ADGRB3: variants seen among roughly 807,000 people sequenced by gnomAD.
The protein encoded by ADGRB3 is brain-specific angiogenesis inhibitor 3.
ADGRB3 carries 37 observed loss-of-function variants against 193.4 expected under a neutral mutation model. The ratio of observed to expected loss-of-function variants is 0.19; its 90% CI spans 0.15 to 0.25. The LOEUF is 0.25. Among genes scored for constraint, ADGRB3 ranks in the 10% least tolerant of loss-of-function variants. The probability of loss-of-function intolerance (pLI) is 1.00; values close to 1 mark genes in which losing one functional copy is unlikely to be tolerated. For missense variants in ADGRB3, 1,637 were observed against 1,852.9 expected (o/e 0.88, Z 2.14); for synonymous variants, 690 against 644.2 (o/e 1.07, Z -1.08).
chr6:69,122,993 C>CGTGTGTGTGTGTGTGTGT (rs150375798), intron 17 of ADGRB3, among the ~76,000 whole-genome samples: 6 of 148,620 alleles, frequency 4.0e-5, no homozygotes, highest in Non-Finnish European at 7.4e-5. Flanking sequence ...TATACACATA[C>CGTGTGTGTGTGTGTGTGT]GTGTGAGTGT....
intron 3 of ADGRB3, among the ~76,000 whole-genome samples, chr6:68,801,727 A>G (rs1286665910): frequency 6.6e-6 from 1 of 152,092 alleles, no homozygotes; most frequent in Admixed American, 6.6e-5. Flanking sequence ...AATAAATAAT[A>G]AATCCTATAT....
intron 3 of ADGRB3, among the ~76,000 whole-genome samples, chr6:68,823,696 T>C (rs1767788621): frequency 6.6e-6 from 1 of 152,106 alleles, no homozygotes; most frequent in Non-Finnish European, 1.5e-5. Context: ...TAGATGGTGC[T>C]AGTAGATGGT....
In ADGRB3 at chr6:69,172,725, T is replaced by C. The variant is rs147993057; in HGVS notation, c.2481-60565T>C. ...AATAAACAAGCAAAAGAGAGACTTC[T>C]TGTTAGAGACAGAAGCAATAAGAGG... On this transcript the variant is annotated intron_variant, in intron 17 of 31. Transcript: ENST00000370598. Among the ~76,000 whole-genome samples the C allele has an allele frequency of 2.6e-5, 4 of 151,024 alleles. No individual in the cohort carries two copies. In the East Asian group the frequency reaches 7.8e-4, roughly 29 times the overall value.
chr6:68,881,863 C>T (rs925103612), intron 3 of ADGRB3, among the ~76,000 whole-genome samples: 1 of 152,070 alleles, frequency 6.6e-6, no homozygotes, highest in Non-Finnish European at 1.5e-5. Flanking sequence ...ATACAAGAGT[C>T]GACAAAATAT....
chr6:68,696,144 G>A (rs1036980669), intron 3 of ADGRB3, among the ~76,000 whole-genome samples: 1 of 151,942 alleles, frequency 6.6e-6, no homozygotes, highest in Non-Finnish European at 1.5e-5. Flanking sequence ...TTTGTGATCC[G>A]AATTAGCCAA....
chr6:68,715,460 G>A (rs1765474542), intron 3 of ADGRB3, among the ~76,000 whole-genome samples: 1 of 151,578 alleles, frequency 6.6e-6, no homozygotes, highest in African/African-American at 2.4e-5. Flanking sequence ...TTCAATAAAT[G>A]AGCAAGAGGA....
chr6:68,721,657 A>ATAT (rs1765584996), intron 3 of ADGRB3, among the ~76,000 whole-genome samples: 1 of 134,996 alleles, frequency 7.4e-6, no homozygotes, highest in African/African-American at 3.0e-5. Context: ...TATATATATA[A>ATAT]ATTATCATCT....
At chr6:68,908,221 T>A (rs1000237061) in intron 3 of ADGRB3, among the ~76,000 whole-genome samples, 2 of 152,072 alleles carry the variant, frequency 1.3e-5, no homozygotes, top group Non-Finnish European at 2.9e-5. Flanking sequence ...TTGGCATTAT[T>A]GATCGATGAC....
intron 8 of ADGRB3, among the ~76,000 whole-genome samples, chr6:68,962,937 G>A (rs915857726): frequency 6.6e-6 from 1 of 152,066 alleles, no homozygotes; most frequent in Non-Finnish European, 1.5e-5. Flanking sequence ...GTACCTTTAT[G>A]TCTAATCACT....
chr6:69,277,449 C>T (rs963690873), intron 20 of ADGRB3, among the ~76,000 whole-genome samples: 2 of 152,114 alleles, frequency 1.3e-5, no homozygotes, highest in African/African-American at 4.8e-5. Flanking sequence ...ATGTGGTACA[C>T]TGGTAAATAC....
chr6:68,968,651 T>C (rs1217135266), intron 8 of ADGRB3, among the ~76,000 whole-genome samples: 1 of 152,174 alleles, frequency 6.6e-6, no homozygotes, highest in African/African-American at 2.4e-5. Flanking sequence ...TAATCAAATA[T>C]GACAGTCAGA....
chr6:69,345,448 TA>T (rs1420106398), intron 26 of ADGRB3, among the ~76,000 whole-genome samples: 3 of 152,152 alleles, frequency 2.0e-5, no homozygotes, highest in Non-Finnish European at 4.4e-5. Flanking sequence ...TGGTTCAAAA[TA>T]CACAAATCAA....
At chr6:69,185,767 A>G (rs1454070780) in intron 17 of ADGRB3, among the ~76,000 whole-genome samples, 1 of 152,190 alleles carries the variant, frequency 6.6e-6, no homozygotes, top group Non-Finnish European at 1.5e-5. Flanking sequence ...CAAAGTATAC[A>G]TGATGACTTC....
intron 31 of ADGRB3, among the ~76,000 whole-genome samples, chr6:69,388,078 A>G (rs918430234): frequency 9.4e-5 from 14 of 148,872 alleles, no homozygotes; most frequent in African/African-American, 3.5e-4. Context: ...CAAGTTTAAA[A>G]AAGTATTTAG....
chr6:69,144,573 G>A (rs1423676213), intron 17 of ADGRB3, among the ~76,000 whole-genome samples: 1 of 151,976 alleles, frequency 6.6e-6, no homozygotes, highest in African/African-American at 2.4e-5. Context: ...ATTATGTTGA[G>A]GTATGTTCCT....
chr6:68,975,377 A>G (rs1173167781), intron 10 of ADGRB3, 37 bp downstream of exon 10: 2 of 1,500,158 alleles, frequency 1.3e-6, no homozygotes, highest in African/African-American at 2.8e-5. Flanking sequence ...TGCTCTGTTT[A>G]TTTTTTGCTA....
intron 17 of ADGRB3, among the ~76,000 whole-genome samples, chr6:69,088,758 A>G (rs1772624564): frequency 6.6e-6 from 1 of 152,190 alleles, no homozygotes; most frequent in South Asian, 2.1e-4. Flanking sequence ...TGCCACAGAA[A>G]ATACAAAGTG....
At position 69,303,269 on chromosome 6, in the gene ADGRB3, C is replaced by T. The variant is rs145900115; in HGVS notation, c.2815-21603C>T. 4.5e-3 allele frequency among the ~76,000 whole-genome samples: 687 copies of T among 151,828 alleles called. 3 individuals carry two copies. The highest frequency in any genetic ancestry group is 0.015 in the African/African-American group (637 of 41,448). The stretch of plus-strand genomic sequence containing the variant: ...AAGAAAAACTGGTGCTGTATAGGAA[C>T]ATTTTTAGAGAAATAAAAAAGCGAA... On this transcript the variant is annotated intron_variant, in intron 20 of 31. Coordinates refer to ENST00000370598, the MANE Select transcript of ADGRB3 (RefSeq NM_001704.3).
intron 10 of ADGRB3, among the ~76,000 whole-genome samples, chr6:68,978,324 A>G (rs941942550): frequency 1.7e-5 from 2 of 114,836 alleles, no homozygotes; most frequent in East Asian, 2.8e-4. Flanking sequence ...AGGTAGGTAG[A>G]TAGATACATA....
Sources: gnomAD v4.1 joint callset for allele counts (sites outside exome capture counted in the v4.1 genomes callset) on GRCh38, gnomAD v4.1.1 for gene constraint, MANE v1.5 for transcripts, NCBI Gene and HGNC (gene_info 2026-07-23, HGNC 2026-07-21) for gene names.